NMNAT3: variants seen among roughly 807,000 people sequenced by gnomAD.
NMNAT3 encodes nicotinamide/nicotinic acid mononucleotide adenylyltransferase 3.
NMNAT3 carries 21 observed loss-of-function variants against 24.8 expected under a neutral mutation model. The observed-to-expected ratio is 0.85, with a 90% confidence interval of 0.60 to 1.22. NMNAT3 has a LOEUF of 1.22. Ranked by LOEUF, NMNAT3 falls within the 50% of genes most tolerant of loss-of-function variation. The probability of loss-of-function intolerance (pLI) is 0.00; values close to 1 mark genes in which losing one functional copy is unlikely to be tolerated. For missense variants in NMNAT3, 387 were observed against 436.6 expected (o/e 0.89, Z 1.01); for synonymous variants, 136 against 155.2 (o/e 0.88, Z 0.92).
At chr3:139,594,911 A>G (rs1386118638) in intron 3 of NMNAT3, among the ~76,000 whole-genome samples, 1 of 152,220 alleles carries the variant, frequency 6.6e-6, no homozygotes, top group Non-Finnish European at 1.5e-5. Context: ...CAAGACAGGG[A>G]TGCCCTCTCT....
chr3:139,571,868 G>A (rs1938418329), intron 6 of NMNAT3, among the ~76,000 whole-genome samples: 1 of 152,200 alleles, frequency 6.6e-6, no homozygotes, highest in Admixed American at 6.5e-5. Flanking sequence ...CGAGGATGGT[G>A]GCCTCAGTGT....
At chr3:139,674,491 A>C (rs1469931546) in intron 1 of NMNAT3, among the ~76,000 whole-genome samples, 1 of 152,230 alleles carries the variant, frequency 6.6e-6, no homozygotes, top group African/African-American at 2.4e-5. Flanking sequence ...AGGACGAGCC[A>C]CTTTATTTAA....
chr3:139,599,776 C>G lies in NMNAT3; in HGVS notation c.110-16568G>C, dbSNP rs116423116. Among the ~76,000 whole-genome samples, 205 of 152,312 alleles carry G rather than the reference C, an allele frequency of 1.3e-3. 1 individual carries two copies. The highest frequency in any genetic ancestry group is 4.8e-3 in the African/African-American group (198 of 41,576). On this transcript the variant is annotated intron_variant, in intron 3 of 6. Transcript: ENST00000643695. ...TTTGTTTCTCCAGAGAGCTCTTCAA[C>G]TGTGTGATCCAAATGAATTTGAGAA... is the stretch of plus-strand genomic sequence containing the variant.
intron 1 of NMNAT3, among the ~76,000 whole-genome samples, chr3:139,659,406 T>G (rs1235077951): frequency 6.6e-6 from 1 of 152,244 alleles, no homozygotes; most frequent in East Asian, 1.9e-4. Context: ...CCAAGTGTGA[T>G]GGAATGCAAG....
At chr3:139,582,546 G>A (rs1467462882) in intron 4 of NMNAT3, among the ~76,000 whole-genome samples, 2 of 148,778 alleles carry the variant, frequency 1.3e-5, no homozygotes. Flanking sequence ...GGAGGCTGAG[G>A]TGGGTGGATC....
intron 3 of NMNAT3, among the ~76,000 whole-genome samples, chr3:139,605,729 T>C (rs541966706): frequency 6.6e-6 from 1 of 152,246 alleles, no homozygotes; most frequent in South Asian, 2.1e-4. Context: ...TTTTTTTTTA[T>C]GTTTTTGGTG....
At chr3:139,638,470 G>T (rs748990378) in intron 1 of NMNAT3, among the ~76,000 whole-genome samples, 1 of 152,176 alleles carries the variant, frequency 6.6e-6, no homozygotes, top group African/African-American at 2.4e-5. Flanking sequence ...GCTTCCCTGT[G>T]TATCAGGAAA....
chr3:139,601,006 C>T lies in NMNAT3; in HGVS notation c.110-17798G>A, dbSNP rs533710971. On this transcript the variant is annotated intron_variant, in intron 3 of 6. Coordinates refer to ENST00000643695, the MANE Select transcript of NMNAT3 (RefSeq NM_001320510.2). The stretch of plus-strand genomic sequence containing the variant: ...AGGGTCTCATGGCCCCTCAAAAACT[C>T]ATTACCTTCTCTTTGGGATCCTCAG... Among the ~76,000 whole-genome samples the T allele has an allele frequency of 1.1e-4, 16 of 152,314 alleles. No homozygotes were observed. In the South Asian group the frequency reaches 3.3e-3, roughly 32 times the overall value.
chr3:139,593,454 A>G (rs553594299), intron 3 of NMNAT3, among the ~76,000 whole-genome samples: 1 of 152,350 alleles, frequency 6.6e-6, no homozygotes, highest in Admixed American at 6.5e-5. Context: ...CTCTGCACCA[A>G]GCGGACCTAA....
At chr3:139,615,455 C>CTATCTATCTATCTATCTATCTATCTATT (rs2055447160) in intron 3 of NMNAT3, among the ~76,000 whole-genome samples, 1 of 150,358 alleles carries the variant, frequency 6.7e-6, no homozygotes, top group South Asian at 2.2e-4. Context: ...ATCTATCTAT[C>CTATCTATCTATCTATCTATCTATCTATT]TATCTATCCA....
At chr3:139,583,522 CTG>C in intron 3 of NMNAT3, 2 of 1,450,404 alleles carry the variant, frequency 1.4e-6, no homozygotes, top group South Asian at 2.3e-5. Context: ...TAGTTTGTGA[CTG>C]TTTTGTTTCC....
intron 6 of NMNAT3, chr3:139,570,058 C>A (rs1937909569): frequency 6.6e-6 from 1 of 152,106 alleles, no homozygotes; most frequent in South Asian, 2.1e-4. Context: ...ACTCTTTTTC[C>A]TCTAAACTTC....
chr3:139,561,223 T>C lies in NMNAT3; in HGVS notation c.828A>G (p.Leu276=), dbSNP rs746645549. ...GGTGAATGTTGTGCTGGTGCATCCG[T>C]AGGATGGGAGATTCTGCGATGTAAC... Residue 276 remains leucine, a synonymous_variant, in exon 7 of 7, where the codon CTA becomes CTG. Transcript: ENST00000643695. The C allele has an allele frequency of 4.3e-6, 7 of 1,613,994 alleles. No individual in the cohort carries two copies. Among genetic ancestry groups the C allele is most frequent in the African/African-American group, 1.3e-5 (1 of 74,898 alleles).
At chr3:139,616,281 C>G (rs564723624) in intron 3 of NMNAT3, among the ~76,000 whole-genome samples, 1 of 152,296 alleles carries the variant, frequency 6.6e-6, no homozygotes, top group African/African-American at 2.4e-5. Flanking sequence ...TGCTGGGGAT[C>G]CTTCATCTTT....
At chr3:139,596,957 TA>T (rs1559891288) in intron 3 of NMNAT3, among the ~76,000 whole-genome samples, 12 of 106,516 alleles carry the variant, frequency 1.1e-4, no homozygotes, top group African/African-American at 2.9e-4. Flanking sequence ...TATATATATA[TA>T]TATATATTTT....
intron 3 of NMNAT3, among the ~76,000 whole-genome samples, chr3:139,602,198 AATG>A (rs1221163735): frequency 6.6e-6 from 1 of 152,204 alleles, no homozygotes; most frequent in East Asian, 1.9e-4. Context: ...TGTTAAGACT[AATG>A]ATTACTCACT....
chr3:139,603,302 A>G (rs1254462987), intron 3 of NMNAT3, among the ~76,000 whole-genome samples: 1 of 152,194 alleles, frequency 6.6e-6, no homozygotes, highest in Non-Finnish European at 1.5e-5. Context: ...ACACTTTGTG[A>G]AATACTCAGT....
At chr3:139,644,222 A>C (rs112780087) in intron 1 of NMNAT3, among the ~76,000 whole-genome samples, 3,005 of 152,322 alleles carry the variant, frequency 0.02, 113 homozygotes, top group African/African-American at 0.069. Context: ...CTGAAATAAA[A>C]GAACACTAAC....
intron 3 of NMNAT3, among the ~76,000 whole-genome samples, chr3:139,623,597 T>G (rs2055902061): frequency 6.6e-6 from 1 of 152,228 alleles, no homozygotes; most frequent in African/African-American, 2.4e-5. Context: ...ATTGATTGAT[T>G]GATTGAGACA....
Sources: gnomAD v4.1 joint callset for allele counts (sites outside exome capture counted in the v4.1 genomes callset) on GRCh38, gnomAD v4.1.1 for gene constraint, MANE v1.5 for transcripts, NCBI Gene and HGNC (gene_info 2026-07-23, HGNC 2026-07-21) for gene names.